The following SYBU variants were observed in gnomAD, a reference collection of about 807,000 sequenced individuals.
SYBU encodes the protein GOLSYN A protein.
Under a neutral mutation model 35.9 loss-of-function variants are expected in SYBU, and 21 were observed. The observed-to-expected ratio is 0.58, with a 90% CI of 0.41 to 0.84. The LOEUF (loss-of-function observed/expected upper bound fraction) is 0.84. Among genes scored for constraint, SYBU ranks in the 40% least tolerant of loss-of-function variants. The pLI is 0.00. For missense variants in SYBU, 768 were observed against 848.2 expected, an observed-to-expected ratio of 0.91 and a Z score of 1.17; for synonymous variants, 319 against 324.3, an observed-to-expected ratio of 0.98 and a Z score of 0.18.
At chr8:109,624,173 C>T (rs145546401) in intron 2 of SYBU, among the ~76,000 whole-genome samples, 17 of 151,928 alleles carry the variant, frequency 1.1e-4, no homozygotes, top group Non-Finnish European at 2.4e-4. Flanking sequence ...ATAAAAAAAA[C>T]TGAGTTCATG....
chr8:109,678,072 C>T (rs1817255693), intron 1 of SYBU, among the ~76,000 whole-genome samples: 1 of 129,672 alleles, frequency 7.7e-6, no homozygotes, highest in Non-Finnish European at 1.6e-5. Flanking sequence ...AGGTGGGGGT[C>T]GCGGTGAGCT....
At chr8:109,689,935 C>T (rs563258191) in intron 1 of SYBU, among the ~76,000 whole-genome samples, 84 of 150,246 alleles carry the variant, frequency 5.6e-4, no homozygotes, top group Non-Finnish European at 1.1e-3. Context: ...CTCAGTAGAT[C>T]ATCTGTAAAA....
intron 1 of SYBU, among the ~76,000 whole-genome samples, chr8:109,663,745 T>G (rs1363119778): frequency 2.0e-5 from 3 of 152,152 alleles, no homozygotes; most frequent in African/African-American, 7.2e-5. Context: ...TATTTTACAG[T>G]GATTTTACTC....
At chr8:109,641,105 C>A (rs1039457271) in intron 2 of SYBU, among the ~76,000 whole-genome samples, 16 of 152,204 alleles carry the variant, frequency 1.1e-4, no homozygotes, top group African/African-American at 3.9e-4. Flanking sequence ...AAACATTCTT[C>A]ACTAGTCATA....
At chr8:109,664,728 C>T (rs1047063238) in intron 1 of SYBU, among the ~76,000 whole-genome samples, 2 of 152,112 alleles carry the variant, frequency 1.3e-5, no homozygotes, top group Admixed American at 6.6e-5. Context: ...TGAGGCTTCC[C>T]AAACAGGGAA....
chr8:109,646,909 T>G (rs1815757352), upstream of SYBU: 1 of 152,232 alleles, frequency 6.6e-6, no homozygotes, highest in Non-Finnish European at 1.5e-5. Flanking sequence ...GTCTCCATTA[T>G]CTTCGTGTAG....
intron 2 of SYBU, among the ~76,000 whole-genome samples, chr8:109,629,460 G>A (rs567038316): frequency 3.0e-4 from 46 of 152,148 alleles, no homozygotes; most frequent in African/African-American, 8.7e-4. Flanking sequence ...TAGTGTTTAC[G>A]CCACCTGTTC....
chr8:109,617,562 T>G (rs900417136), intron 3 of SYBU, among the ~76,000 whole-genome samples: 1 of 152,180 alleles, frequency 6.6e-6, no homozygotes, highest in Admixed American at 6.5e-5. Context: ...ATTGTTTTAT[T>G]TCTTGGCTAA....
intron 1 of SYBU, among the ~76,000 whole-genome samples, chr8:109,690,376 A>T (rs1817619880): frequency 6.6e-6 from 1 of 152,222 alleles, no homozygotes; most frequent in African/African-American, 2.4e-5. Flanking sequence ...ACATGTGCCT[A>T]CTGAAGAATC....
chr8:109,655,190 T>C (rs1447199322), intron 1 of SYBU, among the ~76,000 whole-genome samples: 1 of 152,226 alleles, frequency 6.6e-6, no homozygotes, highest in Non-Finnish European at 1.5e-5. Flanking sequence ...CACCTCCCAA[T>C]CTTCAACCTC....
At chr8:109,579,061 G>A (rs543982402) in intron 5 of SYBU, among the ~76,000 whole-genome samples, 11 of 152,210 alleles carry the variant, frequency 7.2e-5, no homozygotes, top group African/African-American at 2.6e-4. Flanking sequence ...GACGAGAATA[G>A]GGATGCCCAG....
At chr8:109,616,585 A>C (rs2130327574) in intron 3 of SYBU, among the ~76,000 whole-genome samples, 1 of 152,222 alleles carries the variant, frequency 6.6e-6, no homozygotes, top group Middle Eastern at 3.4e-3. Context: ...TTGTATTGCC[A>C]TCACCATAAA....
At chr8:109,594,924 G>A (rs1437452528) in intron 3 of SYBU, among the ~76,000 whole-genome samples, 2 of 152,140 alleles carry the variant, frequency 1.3e-5, no homozygotes, top group Non-Finnish European at 2.9e-5. Context: ...GTTGCTAGCT[G>A]TGTGACCTTG....
intron 1 of SYBU, among the ~76,000 whole-genome samples, chr8:109,679,175 T>G (rs1272402596): frequency 6.6e-6 from 1 of 152,144 alleles, no homozygotes; most frequent in African/African-American, 2.4e-5. Flanking sequence ...AGTTTATAAA[T>G]GCCATGGCAA....
At chr8:109,639,838 C>T (rs1180025949) in intron 2 of SYBU, among the ~76,000 whole-genome samples, 2 of 152,164 alleles carry the variant, frequency 1.3e-5, no homozygotes, top group African/African-American at 4.8e-5. Flanking sequence ...TTAACACTCC[C>T]TGTAGTACCA....
intron 3 of SYBU, chr8:109,608,165 C>A: frequency 2.0e-6 from 1 of 491,544 alleles, no homozygotes; most frequent in Non-Finnish European, 3.6e-6. Flanking sequence ...AGGGCCTTCT[C>A]CCTGGTGACT....
At chr8:109,607,853 C>CACACAG (rs1374565606) in intron 3 of SYBU, 14 of 923,856 alleles carry the variant, frequency 1.5e-5, no homozygotes, top group African/African-American at 4.9e-5. Context: ...CACACACACA[C>CACACAG]AGTCTAGCCT....
chr8:109,659,633 A>G (rs1230527244), intron 1 of SYBU, among the ~76,000 whole-genome samples: 2 of 152,176 alleles, frequency 1.3e-5, no homozygotes, highest in Admixed American at 6.5e-5. Context: ...GAGCACTTCA[A>G]TTCTGCCTGC....
intron 3 of SYBU, among the ~76,000 whole-genome samples, chr8:109,593,535 G>A (rs1382760727): frequency 1.3e-5 from 2 of 152,210 alleles, no homozygotes; most frequent in Non-Finnish European, 2.9e-5. Context: ...ATGTTGGTTT[G>A]CAAAGCTAGT....
Sources: gnomAD v4.1 joint callset for allele counts (sites outside exome capture counted in the v4.1 genomes callset) on GRCh38, gnomAD v4.1.1 for gene constraint, MANE v1.5 for transcripts, NCBI Gene and HGNC (gene_info 2026-07-23, HGNC 2026-07-21) for gene names.